Variants in KPNA5 observed in about 807,000 individuals in gnomAD.
The protein encoded by KPNA5 is importin subunit alpha-6.
In KPNA5, 46 loss-of-function variants were observed where a neutral mutation model predicts 71.3. The ratio of observed to expected loss-of-function variants is 0.65; its 90% confidence interval spans 0.51 to 0.83. KPNA5 has a LOEUF of 0.83. Among genes scored for constraint, KPNA5 ranks in the 40% least tolerant of loss-of-function variants. The pLI is 0.00. For synonymous variants in KPNA5, 207 were observed against 201.4 expected (o/e 1.03, Z -0.24); for missense variants, 547 against 628.3 (o/e 0.87, Z 1.38).
Position 116,689,315 on chromosome 6 carries a change from T to A in KPNA5, c.5-5T>A. ...GTGTCTGTTTTCTTTTCTCCTTCCTTTAAGATGCCATGGCTAGTCCAGGGA... is the reference window on the plus strand; with the variant it reads ...GTGTCTGTTTTCTTTTCTCCTTCCTATAAGATGCCATGGCTAGTCCAGGGA... On this transcript the variant is annotated splice_polypyrimidine_tract_variant and splice_region_variant and intron_variant, in intron 1 of 13. Transcript: ENST00000368564. 3 of 1,599,014 alleles carry A rather than the reference T, an allele frequency of 1.9e-6. No individual in the cohort carries two copies. Among genetic ancestry groups the A allele is most frequent in the Non-Finnish European group, 2.6e-6 (3 of 1,176,136 alleles).
chr6:116,731,337 C>T (rs946138511), intron 13 of KPNA5, among the ~76,000 whole-genome samples: 6 of 152,102 alleles, frequency 3.9e-5, no homozygotes, highest in African/African-American at 1.4e-4. Flanking sequence ...ATATTAGTCA[C>T]TGATTTAAGA....
Position 116,722,388 on chromosome 6 carries a change from A to G in KPNA5, c.920+99A>G, listed in dbSNP as rs1339123402. 4.0e-6 allele frequency: 4 copies of G among 1,006,930 alleles called. No homozygotes were observed. In the East Asian group the frequency reaches 1.1e-4, roughly 28 times the overall value. 62.4% of individuals were successfully genotyped at this position (1,006,930 alleles called of 1,614,324 possible). The stretch of plus-strand genomic sequence containing the variant: ...AAATATCTCAAGAGTCACTGTCTTC[A>G]GGGAAAATTAAAAAGCTACTGACCC... On this transcript the variant is annotated intron_variant, in intron 9 of 13. Coordinates refer to ENST00000368564, the MANE Select transcript of KPNA5 (RefSeq NM_001366306.2).
chr6:116,724,482 A>G (rs1779223810), intron 10 of KPNA5, 107 bp downstream of exon 10: 1 of 693,332 alleles, frequency 1.4e-6, no homozygotes, highest in East Asian at 2.7e-5. Flanking sequence ...CATCACCATA[A>G]TTGTGTGTGT....
chr6:116,681,657 AT>A (rs1289824645), intron 1 of KPNA5: 2 of 644,130 alleles, frequency 3.1e-6, no homozygotes, highest in African/African-American at 3.9e-5. Context: ...AGTTAATGGA[AT>A]TGCCAAACGT....
Position 116,707,349 on chromosome 6 carries a change from T to C in KPNA5, c.656+2189T>C, listed in dbSNP as rs539501680. On this transcript the variant is annotated intron_variant, in intron 7 of 13. Coordinates refer to ENST00000368564, the MANE Select transcript of KPNA5 (RefSeq NM_001366306.2). ...CTTTTACTACTATAAACTATCCTGA[T>C]ACAATTTTGCTGTAATTTAACTCAA... 5.3e-5 allele frequency among the ~76,000 whole-genome samples: 8 copies of C among 152,336 alleles called. No homozygotes were observed. The South Asian group carries it at 1.7e-3, about 32-fold the overall frequency.
chr6:116,696,634 T>C (rs186057153), intron 4 of KPNA5, among the ~76,000 whole-genome samples: 6 of 152,262 alleles, frequency 3.9e-5, no homozygotes, highest in Admixed American at 3.9e-4. Flanking sequence ...AATCCCAGTT[T>C]TGTAGAAAGT....
At chr6:116,721,320 T>G (rs908476165) in intron 8 of KPNA5, among the ~76,000 whole-genome samples, 1 of 152,176 alleles carries the variant, frequency 6.6e-6, no homozygotes, top group African/African-American at 2.4e-5. Flanking sequence ...ATAGTTCTTT[T>G]TTTTTGTTTT....
intron 7 of KPNA5, among the ~76,000 whole-genome samples, chr6:116,707,286 TTTTA>T (rs1778482856): frequency 6.6e-6 from 1 of 152,236 alleles, no homozygotes; most frequent in African/African-American, 2.4e-5. Flanking sequence ...TTTTAATTTA[TTTTA>T]TTAGTATTCA....
At chr6:116,686,629 CA>C (rs747184884) in intron 1 of KPNA5, among the ~76,000 whole-genome samples, 3 of 152,134 alleles carry the variant, frequency 2.0e-5, no homozygotes, top group Non-Finnish European at 4.4e-5. Flanking sequence ...TTCCTGTGGC[CA>C]GAATGATATT....
At chr6:116,692,444 A>C in intron 4 of KPNA5, 52 bp downstream of exon 4, 1 of 1,128,214 alleles carries the variant, frequency 8.9e-7, no homozygotes. Flanking sequence ...TTTTTAGTAG[A>C]GGTTTATTTT....
chr6:116,695,035 C>A (rs1010662397), intron 4 of KPNA5, among the ~76,000 whole-genome samples: 1 of 152,124 alleles, frequency 6.6e-6, no homozygotes, highest in African/African-American at 2.4e-5. Context: ...ACTATAGCCT[C>A]TGCTTTCCAG....
intron 7 of KPNA5, among the ~76,000 whole-genome samples, chr6:116,709,527 AT>A (rs1318363957): frequency 2.0e-5 from 3 of 152,208 alleles, no homozygotes; most frequent in Admixed American, 6.5e-5. Context: ...CCATCTCTAA[AT>A]TTTTTTTAAA....
intron 9 of KPNA5, among the ~76,000 whole-genome samples, chr6:116,723,814 T>C (rs1032127267): frequency 1.3e-5 from 2 of 152,114 alleles, no homozygotes; most frequent in African/African-American, 4.8e-5. Context: ...TCAAAGTATT[T>C]TGTTGCAAAA....
chr6:116,719,531 G>C (rs957720727), intron 8 of KPNA5, among the ~76,000 whole-genome samples: 1 of 152,108 alleles, frequency 6.6e-6, no homozygotes, highest in Admixed American at 6.6e-5. Flanking sequence ...TTGAGGTATA[G>C]AGTAGGTAAC....
At chr6:116,692,480 A>T in intron 4 of KPNA5, 88 bp downstream of exon 4, 1 of 818,334 alleles carries the variant, frequency 1.2e-6, no homozygotes, top group Non-Finnish European at 2.0e-6. Context: ...ATTTTAAAAT[A>T]CCTTTCTTTG....
intron 7 of KPNA5, among the ~76,000 whole-genome samples, chr6:116,707,533 C>G (rs1348551128): frequency 6.6e-6 from 1 of 152,200 alleles, no homozygotes; most frequent in African/African-American, 2.4e-5. Context: ...GGAACACAGT[C>G]ACACCTATTC....
At chr6:116,701,512 A>G (rs1778230492) in intron 5 of KPNA5, among the ~76,000 whole-genome samples, 1 of 152,226 alleles carries the variant, frequency 6.6e-6, no homozygotes, top group Admixed American at 6.5e-5. Flanking sequence ...GTTAATAATG[A>G]AAGCTTGATG....
intron 1 of KPNA5, among the ~76,000 whole-genome samples, chr6:116,682,938 C>A (rs1254766743): frequency 6.6e-6 from 1 of 152,146 alleles, no homozygotes; most frequent in Non-Finnish European, 1.5e-5. Flanking sequence ...AGGATGGATG[C>A]AGTGTTAAAT....
At chr6:116,702,835 A>AT (rs766007957) in intron 6 of KPNA5, among the ~76,000 whole-genome samples, 1 of 152,202 alleles carries the variant, frequency 6.6e-6, no homozygotes, top group African/African-American at 2.4e-5. Context: ...GAATAGAACC[A>AT]TTTTTTAATA....
Sources: gnomAD v4.1 joint callset for allele counts (sites outside exome capture counted in the v4.1 genomes callset) on GRCh38, gnomAD v4.1.1 for gene constraint, MANE v1.5 for transcripts, NCBI Gene and HGNC (gene_info 2026-07-23, HGNC 2026-07-21) for gene names.